PTGER3: variants seen among roughly 807,000 people sequenced by gnomAD.
PTGER3 encodes prostaglandin E receptor 3.
PTGER3 carries 22 observed loss-of-function variants against 34.7 expected under a neutral mutation model. The observed-to-expected ratio is 0.63, with a 90% confidence interval of 0.45 to 0.91. PTGER3 has a LOEUF of 0.91. Among genes scored for constraint, PTGER3 ranks in the 40% least tolerant of loss-of-function variants. The probability of loss-of-function intolerance (pLI) is 0.00; values close to 1 mark genes in which losing one functional copy is unlikely to be tolerated. For missense variants in PTGER3, 468 were observed against 519.4 expected (o/e 0.90, Z 0.96); for synonymous variants, 241 against 230.1 (o/e 1.05, Z -0.43).
intron 2 of PTGER3, among the ~76,000 whole-genome samples, chr1:71,005,320 A>G (rs1303398145): frequency 3.3e-5 from 5 of 152,222 alleles, no homozygotes; most frequent in Non-Finnish European, 7.3e-5. Context: ...TCCATTTGAC[A>G]GATTTGGAAA....
intron 4 of PTGER3, among the ~76,000 whole-genome samples, chr1:70,894,546 A>G (rs191299456): frequency 6.6e-6 from 1 of 152,310 alleles, no homozygotes; most frequent in East Asian, 1.9e-4. Context: ...TGCTGGAGGC[A>G]AACTCATTTT....
chr1:70,977,439 A>C (rs1434211856), intron 2 of PTGER3, among the ~76,000 whole-genome samples: 1 of 151,914 alleles, frequency 6.6e-6, no homozygotes, highest in African/African-American at 2.4e-5. Context: ...ACTTTCCATC[A>C]TGTCATTAAT....
chr1:70,879,375 T>C (rs76715890), intron 4 of PTGER3, among the ~76,000 whole-genome samples: 3,703 of 152,206 alleles, frequency 0.024, 111 homozygotes, highest in East Asian at 0.13. Context: ...GCTTCCTGAG[T>C]AGCTGGGATT....
rs1352005540 is a variant in PTGER3 at position 71,025,079 on chromosome 1, A to G, written c.898-12595T>C. Reference sequence around the variant, plus strand: ...CCCCCTCCCCCACCCCACAATGAGAACACATGGCCACAGGAAGGGGAACAT... The same window carrying G: ...CCCCCTCCCCCACCCCACAATGAGAGCACATGGCCACAGGAAGGGGAACAT... On this transcript the variant is annotated intron_variant, in intron 1 of 3. Coordinates refer to ENST00000306666, the MANE Select transcript of PTGER3 (RefSeq NM_198719.2). 4.0e-5 allele frequency among the ~76,000 whole-genome samples: 4 copies of G among 100,198 alleles called. No homozygotes were observed. In the Admixed American group the frequency reaches 5.7e-4, roughly 14 times the overall value. The allele number at this position is 100,198 out of a possible 152,430, so 65.7% of individuals were successfully genotyped here.
chr1:70,894,651 A>G (rs1310626598), intron 4 of PTGER3, among the ~76,000 whole-genome samples: 2 of 152,160 alleles, frequency 1.3e-5, no homozygotes. Flanking sequence ...ATTCCTGTGG[A>G]ATTTGATCAA....
intron 2 of PTGER3, chr1:71,011,120 T>C (rs1438742339): frequency 2.0e-6 from 2 of 985,676 alleles, no homozygotes; most frequent in African/African-American, 3.5e-5. Context: ...CAAAACTTAA[T>C]GTAGTGATCT....
chr1:70,910,248 A>G (rs551713355), intron 4 of PTGER3, among the ~76,000 whole-genome samples: 1 of 152,332 alleles, frequency 6.6e-6, no homozygotes, highest in East Asian at 1.9e-4. Context: ...TCTCTGAAGC[A>G]AAACCCCAAG....
At chr1:70,857,661 G>A (rs963456660) in intron 4 of PTGER3, among the ~76,000 whole-genome samples, 11 of 151,676 alleles carry the variant, frequency 7.3e-5, no homozygotes, top group Non-Finnish European at 1.3e-4. Flanking sequence ...TCAGCCTCCC[G>A]GGTAGCTGGG....
chr1:70,946,255 C>A (rs1650216598), intron 4 of PTGER3, among the ~76,000 whole-genome samples: 1 of 152,064 alleles, frequency 6.6e-6, no homozygotes, highest in Admixed American at 6.6e-5. Context: ...ACTTGCCTAG[C>A]AATTTCCTGA....
At chr1:70,916,241 C>T (rs1423351660) in intron 4 of PTGER3, among the ~76,000 whole-genome samples, 1 of 151,780 alleles carries the variant, frequency 6.6e-6, no homozygotes, top group African/African-American at 2.4e-5. Context: ...ACAGTTGCTC[C>T]TGAGACTGCA....
chr1:71,036,728 A>C (rs901143091), intron 1 of PTGER3, among the ~76,000 whole-genome samples: 1 of 150,962 alleles, frequency 6.6e-6, no homozygotes, highest in Non-Finnish European at 1.5e-5. Flanking sequence ...AGTCCCAGCT[A>C]TTGGGGAGGC....
intron 2 of PTGER3, chr1:71,009,701 T>C (rs1048215619): frequency 1.5e-5 from 15 of 985,246 alleles, no homozygotes; most frequent in Non-Finnish European, 1.8e-5. Flanking sequence ...TAATTGTCTT[T>C]TAACCAATAC....
chr1:70,865,223 G>T (rs1354079795), intron 4 of PTGER3, among the ~76,000 whole-genome samples: 2 of 152,196 alleles, frequency 1.3e-5, no homozygotes, highest in African/African-American at 4.8e-5. Flanking sequence ...AAGGCATTGA[G>T]ACCTAATTCC....
At chr1:70,918,773 G>A (rs545532353) in intron 4 of PTGER3, among the ~76,000 whole-genome samples, 25 of 152,086 alleles carry the variant, frequency 1.6e-4, no homozygotes, top group Admixed American at 7.9e-4. Flanking sequence ...TGAACAAATA[G>A]CTTTCCAATT....
chr1:70,973,846 T>G (rs1219267464), intron 3 of PTGER3, among the ~76,000 whole-genome samples: 1 of 152,168 alleles, frequency 6.6e-6, no homozygotes, highest in Admixed American at 6.5e-5. Flanking sequence ...AAGTTCTGCC[T>G]TTTAGAGTAC....
rs1651003669 is a variant in PTGER3, at chr1:70,953,670, A to C, written c.1104+93T>G. 4 of 1,510,214 alleles carry C rather than the reference A, an allele frequency of 2.6e-6. No individual in the cohort carries two copies. The South Asian group carries it at 5.1e-5, about 19-fold the overall frequency. The allele number at this position is 1,510,214 out of a possible 1,614,324, so 93.6% of individuals were successfully genotyped here. A position where few individuals can be genotyped will look rare whatever the true frequency, so the allele number is the denominator to read the frequency against. Reference sequence around the variant, plus strand: ...ATAGGAAGGAAAACACGAACTTTCAATTTAAGGAAATATGACAAACAGTAC... The same window carrying C: ...ATAGGAAGGAAAACACGAACTTTCACTTTAAGGAAATATGACAAACAGTAC... On this transcript the variant is annotated intron_variant, in intron 3 of 3. Transcript: ENST00000356595.
chr1:71,047,145 A>G lies in PTGER3; in HGVS notation c.433T>C (p.Leu145=). The G allele has an allele frequency of 5.0e-6, 8 of 1,601,520 alleles. No individual in the cohort carries two copies. Among genetic ancestry groups the G allele is most frequent in the Non-Finnish European group, 6.8e-6 (8 of 1,174,280 alleles). Residue 145 remains leucine, a synonymous_variant, in exon 1 of 4, where the codon TTG becomes CTG. Transcript: ENST00000306666. ...LTMTVFGLSS[L]FIASAMAVER... is the part of the protein sequence containing the mutation. ...ACGGCCATGGCGCTGGCGATGAACAACGAGGAGAGCCCGAAAACAGTCATG... is the reference window on the plus strand; with the variant it reads ...ACGGCCATGGCGCTGGCGATGAACAGCGAGGAGAGCCCGAAAACAGTCATG...
intron 2 of PTGER3, among the ~76,000 whole-genome samples, chr1:70,994,467 T>TC (rs1655749306): frequency 6.6e-6 from 1 of 151,816 alleles, no homozygotes; most frequent in Non-Finnish European, 1.5e-5. Context: ...CTTAATTTTT[T>TC]TTTTTTTGAG....
exon 5 of PTGER3, chr1:70,852,849 C>T (rs1308524714): frequency 6.2e-7 from 1 of 1,613,032 alleles, no homozygotes; most frequent in Non-Finnish European, 8.5e-7. Context: ...TTAATTTCCC[C>T]AAAATTCCTC....
Sources: gnomAD v4.1 joint callset for allele counts (sites outside exome capture counted in the v4.1 genomes callset) on GRCh38, gnomAD v4.1.1 for gene constraint, MANE v1.5 for transcripts, NCBI Gene and HGNC (gene_info 2026-07-23, HGNC 2026-07-21) for gene names.